NR2F1-AS1: variants seen among roughly 807,000 people sequenced by gnomAD.
The protein encoded by NR2F1-AS1 is NR2F1 regulatory antisense RNA 1, also known as NR2F1 antisense RNA 1.
chr5:93,551,607 T>A (rs753342486), intron 4 of NR2F1-AS1, among the ~76,000 whole-genome samples: 6 of 152,032 alleles, frequency 3.9e-5, no homozygotes, highest in Admixed American at 6.6e-5. Context: ...TAAAGTAAAT[T>A]GAACTTTAAA....
chr5:93,458,127 A>G (rs1266305976), intron 4 of NR2F1-AS1, among the ~76,000 whole-genome samples: 1 of 152,196 alleles, frequency 6.6e-6, no homozygotes, highest in African/African-American at 2.4e-5. Flanking sequence ...AGACATGAGG[A>G]AAGAAAGAGA....
intron 1 of NR2F1-AS1, among the ~76,000 whole-genome samples, chr5:93,576,711 A>C (rs1164538868): frequency 6.6e-6 from 1 of 152,196 alleles, no homozygotes; most frequent in Non-Finnish European, 1.5e-5. Context: ...AGTCAGTGAA[A>C]TATCCAACTC....
Position 93,564,982 on chromosome 5 carries a change from G to C in NR2F1-AS1, n.314-1519C>G, listed in dbSNP as rs117624841. Among the ~76,000 whole-genome samples the C allele has an allele frequency of 2.1e-3, 321 of 152,112 alleles. 10 individuals carry two copies. The East Asian group carries it at 0.047, about 22-fold the overall frequency. ...CTTCCAGGCTAATAGGGCTTCAGTG[G>C]TTTTTCCCTACAGAAAAGATAGTCC... On this transcript the variant is annotated intron_variant and non_coding_transcript_variant, in intron 1 of 5. Coordinates refer to ENST00000660523, the Ensembl canonical transcript of NR2F1-AS1.
chr5:93,431,715 G>A (rs1749328903), intron 4 of NR2F1-AS1, among the ~76,000 whole-genome samples: 1 of 152,174 alleles, frequency 6.6e-6, no homozygotes, highest in Non-Finnish European at 1.5e-5. Context: ...CCCAAGAAAA[G>A]TATTTACTCA....
intron 1 of NR2F1-AS1, among the ~76,000 whole-genome samples, chr5:93,569,619 T>C (rs1752697846): frequency 1.3e-5 from 2 of 152,290 alleles, no homozygotes; most frequent in Non-Finnish European, 2.9e-5. Flanking sequence ...AGTCTGTTCC[T>C]GATAAAATGA....
chr5:93,428,808 C>T (rs1392733194), intron 4 of NR2F1-AS1, among the ~76,000 whole-genome samples: 3 of 152,074 alleles, frequency 2.0e-5, no homozygotes, highest in Non-Finnish European at 4.4e-5. Flanking sequence ...AGCTAGAATG[C>T]AAATTTAGTA....
At chr5:93,532,414 A>C (rs768278845) in intron 4 of NR2F1-AS1, among the ~76,000 whole-genome samples, 11 of 152,204 alleles carry the variant, frequency 7.2e-5, no homozygotes, top group Admixed American at 5.2e-4. Context: ...AGAGAGAGAA[A>C]GAGAGGGAGG....
At chr5:93,557,397 T>A (rs990002291) in intron 2 of NR2F1-AS1, among the ~76,000 whole-genome samples, 5 of 152,190 alleles carry the variant, frequency 3.3e-5, no homozygotes, top group African/African-American at 1.2e-4. Context: ...CTTGAAGATA[T>A]TCCAAGTTTA....
At chr5:93,572,366 C>T (rs1263920757) in intron 1 of NR2F1-AS1, among the ~76,000 whole-genome samples, 1 of 152,216 alleles carries the variant, frequency 6.6e-6, no homozygotes, top group African/African-American at 2.4e-5. Context: ...AGGCGCCCGG[C>T]TTGTGGGTAT....
intron 4 of NR2F1-AS1, among the ~76,000 whole-genome samples, chr5:93,498,538 C>T (rs1265058856): frequency 2.0e-5 from 3 of 152,094 alleles, no homozygotes; most frequent in Non-Finnish European, 4.4e-5. Context: ...AAGCTATTTA[C>T]TTCATATCAA....
intron 4 of NR2F1-AS1, among the ~76,000 whole-genome samples, chr5:93,508,556 A>T (rs1751233341): frequency 6.6e-6 from 1 of 152,100 alleles, no homozygotes; most frequent in Non-Finnish European, 1.5e-5. Context: ...AAATAGGAAA[A>T]GCTTTCTTAA....
At position 93,540,879 on chromosome 5, in the gene NR2F1-AS1, C is replaced by T. The variant is rs185475545; in HGVS notation, n.638+12882G>A. ...CACCAATACAAAAAAATGGTCACTC[C>T]GTTCTACTGTGCAAGTACATGAGTG... On this transcript the variant is annotated intron_variant and non_coding_transcript_variant, in intron 4 of 5. Transcript: ENST00000660523. 4.2e-3 allele frequency among the ~76,000 whole-genome samples: 634 copies of T among 152,218 alleles called. 4 individuals carry two copies. Among genetic ancestry groups the T allele is most frequent in the African/African-American group, 0.015 (605 of 41,536 alleles).
At chr5:93,428,640 G>A (rs185539026) in intron 4 of NR2F1-AS1, among the ~76,000 whole-genome samples, 2 of 152,192 alleles carry the variant, frequency 1.3e-5, no homozygotes, top group Non-Finnish European at 2.9e-5. Flanking sequence ...ATGTACCCAG[G>A]TAGACTTTTG....
upstream of NR2F1-AS1, among the ~76,000 whole-genome samples, chr5:93,581,659 G>A (rs982548030): frequency 8.7e-6 from 1 of 115,352 alleles, no homozygotes; most frequent in Non-Finnish European, 1.8e-5. Flanking sequence ...TTCAGGAATC[G>A]GGGTCTCGGT....
intron 4 of NR2F1-AS1, among the ~76,000 whole-genome samples, chr5:93,472,531 T>TAAAAATTTAATAAAAAATTTA (rs1750388464): frequency 2.0e-5 from 3 of 151,868 alleles, no homozygotes; most frequent in African/African-American, 7.2e-5. Flanking sequence ...TCACTCAAGA[T>TAAAAATTTAATAAAAAATTTA]ATAAAAAATT....
intron 2 of NR2F1-AS1, among the ~76,000 whole-genome samples, chr5:93,562,774 G>A (rs1044299282): frequency 1.3e-5 from 2 of 151,972 alleles, no homozygotes; most frequent in Non-Finnish European, 2.9e-5. Context: ...ATAGTAATTG[G>A]GGCAGGGAGT....
chr5:93,561,090 A>G (rs1752476838), intron 2 of NR2F1-AS1, among the ~76,000 whole-genome samples: 1 of 152,182 alleles, frequency 6.6e-6, no homozygotes, highest in East Asian at 1.9e-4. Context: ...CCTAACCAAC[A>G]TGGAGAAACT....
At chr5:93,512,853 G>A (rs1438214392) in intron 4 of NR2F1-AS1, among the ~76,000 whole-genome samples, 8 of 152,118 alleles carry the variant, frequency 5.3e-5, no homozygotes, top group Admixed American at 4.6e-4. Context: ...GTGTGTAGTA[G>A]GCTATACCAT....
chr5:93,467,415 C>A (rs1036872909), intron 4 of NR2F1-AS1, among the ~76,000 whole-genome samples: 2 of 152,100 alleles, frequency 1.3e-5, no homozygotes, highest in African/African-American at 2.4e-5. Flanking sequence ...ATTTTTAGCA[C>A]CCTTTTCTAA....
Sources: allele counts gnomAD v4.1 joint callset (sites outside exome capture counted in the v4.1 genomes callset), GRCh38; gene constraint gnomAD v4.1.1; transcripts MANE v1.5; gene names NCBI Gene and HGNC (gene_info 2026-07-23, HGNC 2026-07-21).